The following RBFOX1 variants were observed in gnomAD, a reference collection of about 807,000 sequenced individuals.
RBFOX1 encodes RNA binding protein fox-1 homolog 1.
RBFOX1 carries 8 observed loss-of-function variants against 57.7 expected under a neutral mutation model. The observed-to-expected ratio is 0.14, with a 90% CI of 0.08 to 0.25. RBFOX1 has a LOEUF of 0.25. Ranked by LOEUF, RBFOX1 falls within the 10% of genes least tolerant of loss-of-function variation. The pLI is 1.00. For synonymous variants in RBFOX1, 326 were observed against 222.4 expected, an observed-to-expected ratio of 1.47 and a Z score of -4.15; for missense variants, 611 against 548.5, an observed-to-expected ratio of 1.11 and a Z score of -1.14.
At chr16:6,448,160 T>C (rs557231711) in intron 2 of RBFOX1, among the ~76,000 whole-genome samples, 11 of 127,882 alleles carry the variant, frequency 8.6e-5, no homozygotes, top group Middle Eastern at 3.8e-3. Context: ...TTCTTTCTTT[T>C]TTTTTTTTTT....
chr16:6,218,306 CTTATTTAT>C, intron 1 of RBFOX1, among the ~76,000 whole-genome samples: 1 of 137,126 alleles, frequency 7.3e-6, no homozygotes. Context: ...TATTTATTTA[CTTATTTAT>C]TTATTGTTTT....
chr16:6,248,897 T>C (rs1204300947), intron 1 of RBFOX1, among the ~76,000 whole-genome samples: 1 of 152,176 alleles, frequency 6.6e-6, no homozygotes, highest in Non-Finnish European at 1.5e-5. Flanking sequence ...CGGGGAGTGC[T>C]CAGAGAGCAT....
intron 2 of RBFOX1, among the ~76,000 whole-genome samples, chr16:6,634,622 A>G (rs2154064129): frequency 6.9e-6 from 1 of 144,764 alleles, no homozygotes; most frequent in East Asian, 2.0e-4. Context: ...TGATTAAAGT[A>G]TTATATAAAT....
Position 5,709,769 on chromosome 16 carries a change from A to G in RBFOX1, c.318+110808A>G, listed in dbSNP as rs190778369. On this transcript the variant is annotated intron_variant, in intron 3 of 19. Coordinates refer to the RBFOX1 transcript ENST00000641259. ...ATCTTTACACCAATATCTCCCATTT[A>G]TGAAGCCACTGTAATCTACTGGGTG... is the stretch of plus-strand genomic sequence containing the variant. Among the ~76,000 whole-genome samples the G allele has an allele frequency of 3.1e-3, 393 of 124,976 alleles. 1 individual carries two copies. Among genetic ancestry groups the G allele is most frequent in the Non-Finnish European group, 5.5e-3 (335 of 61,330 alleles). The allele number at this position is 124,976 out of a possible 152,430, so 82.0% of individuals were successfully genotyped here.
intron 3 of RBFOX1, among the ~76,000 whole-genome samples, chr16:6,945,529 A>T (rs1185557776): frequency 1.3e-5 from 2 of 151,948 alleles, no homozygotes; most frequent in African/African-American, 4.8e-5. Flanking sequence ...CTACCTGACC[A>T]TGTAAAGCCA....
chr16:6,454,534 T>C (rs2094711785), intron 2 of RBFOX1, among the ~76,000 whole-genome samples: 1 of 152,154 alleles, frequency 6.6e-6, no homozygotes, highest in Non-Finnish European at 1.5e-5. Context: ...CTGTAATTTA[T>C]GTGACTGAGT....
At chr16:7,032,392 C>G (rs936200963) in intron 3 of RBFOX1, among the ~76,000 whole-genome samples, 2 of 152,048 alleles carry the variant, frequency 1.3e-5, no homozygotes. Context: ...TTGCAGTGAG[C>G]TGAGATCCCA....
Position 7,188,486 on chromosome 16 carries a change from A to C in RBFOX1, c.27+136388A>C, listed in dbSNP as rs533259294. 3.0e-4 allele frequency among the ~76,000 whole-genome samples: 45 copies of C among 152,300 alleles called. 1 individual carries two copies. The East Asian group carries it at 8.1e-3, about 27-fold the overall frequency. On this transcript the variant is annotated intron_variant, in intron 4 of 15. Transcript: ENST00000550418. ...AGAGGTCTAATATGGACCCTAACTG[A>C]AGTTATGCAGAAAGGAAATGTTTTG...
chr16:6,557,068 CAT>C (rs1276582581), intron 2 of RBFOX1, among the ~76,000 whole-genome samples: 61 of 138,908 alleles, frequency 4.4e-4, no homozygotes, highest in African/African-American at 1.5e-3. Context: ...TATATACATA[CAT>C]ATATACATAT....
chr16:5,826,747 T>A (rs540210039), intron 3 of RBFOX1, among the ~76,000 whole-genome samples: 1 of 152,342 alleles, frequency 6.6e-6, no homozygotes, highest in African/African-American at 2.4e-5. Context: ...GTCCTATAAA[T>A]TTTTTATATG....
chr16:5,406,580 C>T (rs1455101009), intron 1 of RBFOX1, among the ~76,000 whole-genome samples: 1 of 152,042 alleles, frequency 6.6e-6, no homozygotes, highest in Non-Finnish European at 1.5e-5. Context: ...CTTTATTTCT[C>T]TCTCTCTCTC....
At chr16:6,661,823 A>G (rs1014937888) in intron 3 of RBFOX1, among the ~76,000 whole-genome samples, 2 of 152,190 alleles carry the variant, frequency 1.3e-5, no homozygotes, top group Non-Finnish European at 2.9e-5. Flanking sequence ...GGATGCCTGG[A>G]TTATTTGGTA....
chr16:5,788,006 A>C (rs1395211462), intron 3 of RBFOX1, among the ~76,000 whole-genome samples: 1 of 152,194 alleles, frequency 6.6e-6, no homozygotes, highest in African/African-American at 2.4e-5. Context: ...GGGGGCAGGA[A>C]ATGAAGCGAC....
intron 3 of RBFOX1, among the ~76,000 whole-genome samples, chr16:6,907,978 GTC>G (rs1415890796): frequency 1.3e-5 from 2 of 151,652 alleles, no homozygotes; most frequent in African/African-American, 4.8e-5. Context: ...GAGCATGGAT[GTC>G]TCTGTGTCTC....
At chr16:6,301,085 A>G (rs903508483) in intron 1 of RBFOX1, among the ~76,000 whole-genome samples, 2 of 152,206 alleles carry the variant, frequency 1.3e-5, no homozygotes, top group African/African-American at 2.4e-5. Context: ...ATTGAAAAAA[A>G]AATCCTTGAG....
intron 1 of RBFOX1, among the ~76,000 whole-genome samples, chr16:6,203,729 C>A (rs113020011): frequency 6.6e-6 from 1 of 152,140 alleles, no homozygotes; most frequent in African/African-American, 2.4e-5. Context: ...AAGAAGTGAA[C>A]CCTTGTCTCT....
chr16:6,045,799 C>A (rs921128744), intron 1 of RBFOX1, among the ~76,000 whole-genome samples: 1 of 152,128 alleles, frequency 6.6e-6, no homozygotes, highest in Non-Finnish European at 1.5e-5. Flanking sequence ...GTCAATGGAG[C>A]GGCCAATGGA....
At chr16:6,661,401 G>T (rs545857474) in intron 3 of RBFOX1, among the ~76,000 whole-genome samples, 1 of 152,200 alleles carries the variant, frequency 6.6e-6, no homozygotes, top group Non-Finnish European at 1.5e-5. Context: ...CAGTGTGTGT[G>T]TCTGAGATTG....
At chr16:5,815,363 G>C (rs770688317) in intron 3 of RBFOX1, among the ~76,000 whole-genome samples, 1 of 151,956 alleles carries the variant, frequency 6.6e-6, no homozygotes, top group Non-Finnish European at 1.5e-5. Flanking sequence ...CCCATCCCCT[G>C]TTTGGAGACC....
Sources: gnomAD v4.1 joint callset for allele counts (sites outside exome capture counted in the v4.1 genomes callset) on GRCh38, gnomAD v4.1.1 for gene constraint, MANE v1.5 for transcripts, NCBI Gene and HGNC (gene_info 2026-07-23, HGNC 2026-07-21) for gene names.